Variants in EFCAB10 observed in about 807,000 individuals in gnomAD.
The protein encoded by EFCAB10 is EF-hand calcium binding domain 10.
In EFCAB10, 7 loss-of-function variants were observed where a neutral mutation model predicts 7.7. That is an observed-to-expected ratio of 0.91 (90% CI 0.52 to 1.72). The LOEUF is 1.72. Among genes scored for constraint, EFCAB10 ranks in the 40% most tolerant of loss-of-function variants. The pLI, the probability that EFCAB10 is intolerant of heterozygous loss-of-function variation, is 0.00. For synonymous variants in EFCAB10, 52 were observed against 21.0 expected, an observed-to-expected ratio of 2.47 and a Z score of -4.03; for missense variants, 112 against 61.5, an observed-to-expected ratio of 1.82 and a Z score of -2.74.
intron 1 of EFCAB10, chr7:105,573,409 T>C (rs1791996770): frequency 6.6e-6 from 1 of 152,256 alleles, no homozygotes; most frequent in Non-Finnish European, 1.5e-5. Flanking sequence ...CTAATGGAAC[T>C]TGGTGTACCA....
chr7:105,569,762 A>G (rs1454211805), intron 1 of EFCAB10, among the ~76,000 whole-genome samples, 191 bp from the exon 2 acceptor site: 1 of 152,108 alleles, frequency 6.6e-6, no homozygotes, highest in Admixed American at 6.6e-5. Flanking sequence ...TACATATACA[A>G]ATGCCCTATC....
Position 105,565,623 on chromosome 7 carries a change from A to G in EFCAB10, c.*-176T>C, listed in dbSNP as rs1562862416. On this transcript the variant is annotated intron_variant, in intron 4 of 4. Coordinates refer to ENST00000480514, the MANE Select transcript of EFCAB10 (RefSeq NM_001355526.2). Reference sequence around the variant, plus strand: ...TTTCCCTTTGTTTTCTCACTATTGCAAGAGACCAGAAAATTATTTTAAACA... The same window carrying G: ...TTTCCCTTTGTTTTCTCACTATTGCGAGAGACCAGAAAATTATTTTAAACA... 6.2e-7 allele frequency: 1 copy of G among 1,609,066 alleles called. No homozygotes were observed. Among genetic ancestry groups the G allele is most frequent in the Non-Finnish European group, 8.5e-7 (1 of 1,175,928 alleles).
chr7:105,574,367 G>T (rs1215003565), intron 1 of EFCAB10, among the ~76,000 whole-genome samples: 2 of 151,916 alleles, frequency 1.3e-5, no homozygotes, highest in Non-Finnish European at 2.9e-5. Flanking sequence ...AGGAAAAAGG[G>T]TTTAATAGAC....
At chr7:105,571,699 T>C (rs1283679049) in intron 1 of EFCAB10, 1 of 152,240 alleles carries the variant, frequency 6.6e-6, no homozygotes, top group Non-Finnish European at 1.5e-5. Context: ...AAAGTCCTTC[T>C]CTACCACCAC....
intron 3 of EFCAB10, among the ~76,000 whole-genome samples, chr7:105,568,160 A>G (rs960879810): frequency 2.6e-5 from 4 of 152,166 alleles, no homozygotes; most frequent in Admixed American, 2.6e-4. Context: ...CTCTGACTCA[A>G]ACATTCCCAT....
intron 1 of EFCAB10, among the ~76,000 whole-genome samples, chr7:105,578,190 T>G (rs991150210): frequency 1.3e-5 from 2 of 152,192 alleles, no homozygotes; most frequent in African/African-American, 4.8e-5. Flanking sequence ...TAATAGTACC[T>G]ATTTTCACTC....
chr7:105,573,981 CTATTAA>C (rs1434741373), intron 1 of EFCAB10, among the ~76,000 whole-genome samples: 3 of 152,094 alleles, frequency 2.0e-5, no homozygotes, highest in Admixed American at 2.0e-4. Flanking sequence ...ATTTGGGTTA[CTATTAA>C]TATAATTGTC....
intron 1 of EFCAB10, among the ~76,000 whole-genome samples, chr7:105,578,699 T>C (rs947484414): frequency 7.9e-5 from 12 of 152,120 alleles, no homozygotes. Flanking sequence ...CAGAGCAACA[T>C]GAGAAATTAG....
rs58936582 is a variant in EFCAB10, at chr7:105,574,245, G to GTATATA, written c.107-4680_107-4675dup. ...CCGTATATGTACACACATATATACA[G>GTATATA]TATATATATATATATATACATATAC... On this transcript the variant is annotated intron_variant, in intron 1 of 4. Transcript: ENST00000480514. Among the ~76,000 whole-genome samples, 411 of 143,746 alleles carry GTATATA rather than the reference G, an allele frequency of 2.9e-3. 3 individuals are homozygous for GTATATA. The highest frequency in any genetic ancestry group is 9.9e-3 in the African/African-American group (390 of 39,526). 94.3% of individuals were successfully genotyped at this position (143,746 alleles called of 152,430 possible).
At chr7:105,571,234 A>T (rs897433235) in intron 1 of EFCAB10, 4 of 152,276 alleles carry the variant, frequency 2.6e-5, no homozygotes, top group Middle Eastern at 3.4e-3. Flanking sequence ...AACAGCATAA[A>T]CAATAGCCCA....
At position 105,574,964 on chromosome 7, in the gene EFCAB10, A is replaced by T. The variant is rs948227915; in HGVS notation, c.107-5393T>A. Among the ~76,000 whole-genome samples the T allele has an allele frequency of 4.6e-5, 7 of 151,346 alleles. No homozygotes were observed. In the East Asian group the frequency reaches 7.8e-4, roughly 17 times the overall value. The stretch of plus-strand genomic sequence containing the variant: ...AAAAAAAAAAAAAAAAAAATCAAAA[A>T]ATTAGCCAGGCATAGTGGTGCGTGC... On this transcript the variant is annotated intron_variant, in intron 1 of 4. Coordinates refer to ENST00000480514, the MANE Select transcript of EFCAB10 (RefSeq NM_001355526.2).
At position 105,565,426 on chromosome 7, in the gene EFCAB10, T is replaced by C. The variant is rs1791671293; in HGVS notation, c.*21A>G. 17 of 1,614,082 alleles carry C rather than the reference T, an allele frequency of 1.1e-5. No individual in the cohort carries two copies. The East Asian group carries it at 3.6e-4, about 34-fold the overall frequency. On this transcript the variant is annotated 3_prime_UTR_variant, in exon 5 of 5. Coordinates refer to ENST00000480514, the MANE Select transcript of EFCAB10 (RefSeq NM_001355526.2). ...TTTAAAATTTTCTGGCAAATGCTTG[T>C]AGAGAAGCTGGATGTATACATCTAC...
chr7:105,567,100 CT>C, intron 4 of EFCAB10: 1 of 1,458,040 alleles, frequency 6.9e-7, no homozygotes. Context: ...CATTTCCCTC[CT>C]TTGTTTTCCC....
chr7:105,572,804 C>CA lies in EFCAB10; in HGVS notation c.107-3234dup, dbSNP rs1338688073. 3 of 152,314 alleles carry CA rather than the reference C, an allele frequency of 2.0e-5. No individual in the cohort carries two copies. The East Asian group carries it at 5.8e-4, about 29-fold the overall frequency. 9.4% of individuals were successfully genotyped at this position (152,314 alleles called of 1,614,324 possible). On this transcript the variant is annotated intron_variant, in intron 1 of 4. Transcript: ENST00000480514. ...TCGGCCTTCTGAGTAGCTGGGACTACAGGCATGTGCCATCGTGCTCAGCTC... is the reference window on the plus strand; with the variant it reads ...TCGGCCTTCTGAGTAGCTGGGACTACAAGGCATGTGCCATCGTGCTCAGCTC...
intron 1 of EFCAB10, chr7:105,571,001 G>A (rs2133516411): frequency 6.6e-6 from 1 of 152,058 alleles, no homozygotes; most frequent in East Asian, 1.9e-4. Context: ...CTCCAGCCTG[G>A]GCGACGGAAC....
intron 1 of EFCAB10, chr7:105,572,963 G>A (rs909072133): frequency 2.0e-5 from 3 of 150,864 alleles, no homozygotes; most frequent in African/African-American, 7.3e-5. Flanking sequence ...TATCTTCTAT[G>A]GAAAAATGTC....
intron 1 of EFCAB10, among the ~76,000 whole-genome samples, chr7:105,576,653 C>T (rs1339877951): frequency 6.6e-6 from 1 of 152,114 alleles, no homozygotes; most frequent in African/African-American, 2.4e-5. Flanking sequence ...ACTGTGTTAG[C>T]CAGGATGGCC....
intron 4 of EFCAB10, chr7:105,567,261 G>A (rs1334515522): frequency 6.2e-7 from 1 of 1,611,482 alleles, no homozygotes. Flanking sequence ...TCAACAAGAT[G>A]TTGAGATTCT....
At chr7:105,568,433 A>G (rs1242775418) in intron 3 of EFCAB10, among the ~76,000 whole-genome samples, 1 of 152,248 alleles carries the variant, frequency 6.6e-6, no homozygotes, top group Non-Finnish European at 1.5e-5. Flanking sequence ...TAATATCTCA[A>G]AATCTAAAAT....
Sources: allele counts gnomAD v4.1 joint callset (sites outside exome capture counted in the v4.1 genomes callset), GRCh38; gene constraint gnomAD v4.1.1; transcripts MANE v1.5; gene names NCBI Gene and HGNC (gene_info 2026-07-23, HGNC 2026-07-21).